The following ZNF407 variants were observed in gnomAD, a reference collection of about 807,000 sequenced individuals.
ZNF407 encodes zinc finger protein 407.
Under a neutral mutation model 131.2 loss-of-function variants are expected in ZNF407, and 17 were observed. That is an observed-to-expected ratio of 0.13 (90% CI 0.09 to 0.19). The LOEUF is 0.19. ZNF407 is among the 10% of genes least tolerant of loss of function. The pLI is 1.00. For synonymous variants in ZNF407, 1,156 were observed against 1,062.0 expected, an observed-to-expected ratio of 1.09 and a Z score of -1.72; for missense variants, 2,681 against 2,830.6, an observed-to-expected ratio of 0.95 and a Z score of 1.20.
chr18:74,768,678 C>T lies in ZNF407; in HGVS notation c.4803-12750C>T, dbSNP rs1405086364. Among the ~76,000 whole-genome samples, 11 of 152,000 alleles carry T rather than the reference C, an allele frequency of 7.2e-5. No individual in the cohort carries two copies. The South Asian group carries it at 1.0e-3, about 14-fold the overall frequency. ...ATAGATAGATAGATTTTTCTTACAC[C>T]GTTGTTATATTCCAGTAGGCCTCAA... On this transcript the variant is annotated intron_variant, in intron 3 of 8. Coordinates refer to ENST00000299687, the MANE Select transcript of ZNF407 (RefSeq NM_017757.3).
Position 75,063,983 on chromosome 18 carries a change from G to A in ZNF407, c.6262G>A (p.Val2088Met), listed in dbSNP as rs769887066. ...KMVQGVLQFA[V>M]CDTAAAGQLV... ...GGTCCAGGGCGTCCTCCAGTTTGCT[G>A]TGTGTGACACGGCCGCGGCCGGCCA... Residue 2088 changes from valine (V) to methionine (M), a missense_variant, in exon 9 of 9, where the codon GTG (valine) becomes ATG (methionine). Physicochemically the swap from Val to Met is conservative, Grantham distance 21. This residue lies in a region of ZNF407 where 620 missense variants were observed against 583.1 expected (regional missense o/e 1.06). Transcript: ENST00000299687. This position sits in a 1 kb window ranked among gnomAD's most constrained non-coding sequence, Gnocchi z 6.6. 2.8e-5 allele frequency: 45 copies of A among 1,613,306 alleles called. 2 individuals carry two copies. In the South Asian group the frequency reaches 3.1e-4, roughly 11 times the overall value.
At chr18:74,797,996 G>A (rs985754143) in intron 4 of ZNF407, among the ~76,000 whole-genome samples, 8 of 152,080 alleles carry the variant, frequency 5.3e-5, no homozygotes, top group Non-Finnish European at 8.8e-5. Context: ...GTGTACATGG[G>A]GAAGGGAAAG....
At chr18:74,965,396 A>G (rs1481588828) in intron 8 of ZNF407, among the ~76,000 whole-genome samples, 1 of 152,072 alleles carries the variant, frequency 6.6e-6, no homozygotes, top group Non-Finnish European at 1.5e-5. Context: ...AATAAATGAG[A>G]ACATGTGATG....
At chr18:74,978,778 A>C (rs1972555624) in intron 8 of ZNF407, among the ~76,000 whole-genome samples, 1 of 152,170 alleles carries the variant, frequency 6.6e-6, no homozygotes, top group Non-Finnish European at 1.5e-5. Context: ...GAATGGAGAC[A>C]CAAATTTAAG....
rs2122305323 is a variant in ZNF407 at position 75,065,482 on chromosome 18, C to T, written c.*1014C>T. The T allele has an allele frequency of 6.6e-6, 1 of 152,336 alleles. No individual in the cohort carries two copies. The highest frequency in any genetic ancestry group is 1.9e-4 in the East Asian group (1 of 5,190). 9.4% of individuals were successfully genotyped at this position (152,336 alleles called of 1,614,324 possible). ...TTCACCTGTGGCCCTGCTGTGGCCA[C>T]CAGCATGGTCTGTGTCCTCGTGGAT... is the stretch of plus-strand genomic sequence containing the variant. On this transcript the variant is annotated 3_prime_UTR_variant, in exon 9 of 9. Transcript: ENST00000299687.
At chr18:74,722,552 T>C (rs1424562589) in intron 3 of ZNF407, among the ~76,000 whole-genome samples, 1 of 152,078 alleles carries the variant, frequency 6.6e-6, no homozygotes, top group African/African-American at 2.4e-5. Context: ...GATTTCTTCC[T>C]CCCTTCCTCA....
intron 8 of ZNF407, among the ~76,000 whole-genome samples, chr18:74,985,510 A>G (rs1161403774): frequency 1.3e-5 from 2 of 152,236 alleles, no homozygotes; most frequent in Non-Finnish European, 2.9e-5. Flanking sequence ...CACCTAAATT[A>G]GTGTTATCCT....
intron 4 of ZNF407, among the ~76,000 whole-genome samples, chr18:74,833,393 T>G (rs186896363): frequency 1.3e-5 from 2 of 152,324 alleles, no homozygotes; most frequent in Admixed American, 1.3e-4. Context: ...CAAACTGTAA[T>G]AAATGACATG....
At chr18:74,677,577 A>G (rs754929334) in intron 3 of ZNF407, among the ~76,000 whole-genome samples, 4 of 152,098 alleles carry the variant, frequency 2.6e-5, no homozygotes, top group Non-Finnish European at 4.4e-5. Context: ...TTTGCTGGAT[A>G]CAGATCTCTG....
intron 8 of ZNF407, among the ~76,000 whole-genome samples, chr18:74,986,396 A>G (rs1174281654): frequency 1.3e-5 from 2 of 152,194 alleles, no homozygotes; most frequent in Admixed American, 1.3e-4. Context: ...TTAAATTAAG[A>G]ATTGTCACCA....
At chr18:74,709,976 A>G (rs992442194) in intron 3 of ZNF407, among the ~76,000 whole-genome samples, 1 of 152,176 alleles carries the variant, frequency 6.6e-6, no homozygotes, top group African/African-American at 2.4e-5. Flanking sequence ...AATAGTTTAA[A>G]CAGTATATTT....
intron 4 of ZNF407, among the ~76,000 whole-genome samples, chr18:74,833,170 C>T (rs941040077): frequency 6.6e-6 from 1 of 152,220 alleles, no homozygotes; most frequent in African/African-American, 2.4e-5. Context: ...AGGGACATGG[C>T]CCACATTCTA....
chr18:74,746,424 A>G lies in ZNF407; in HGVS notation c.4803-35004A>G, dbSNP rs535110636. Reference sequence around the variant, plus strand: ...CTGCAAGTTTTTCACTTTATGAACTATTTTTTAAAGTTTTTGACTCCTTTT... The same window carrying G: ...CTGCAAGTTTTTCACTTTATGAACTGTTTTTTAAAGTTTTTGACTCCTTTT... On this transcript the variant is annotated intron_variant, in intron 3 of 8. Coordinates refer to ENST00000299687, the MANE Select transcript of ZNF407 (RefSeq NM_017757.3). Among the ~76,000 whole-genome samples, 6 of 152,230 alleles carry G rather than the reference A, an allele frequency of 3.9e-5. No homozygotes were observed. In the East Asian group the frequency reaches 5.8e-4, roughly 15 times the overall value.
At chr18:74,727,094 A>C (rs183491515) in intron 3 of ZNF407, among the ~76,000 whole-genome samples, 2 of 152,210 alleles carry the variant, frequency 1.3e-5, no homozygotes, top group East Asian at 1.9e-4. Context: ...TGTGCCAAGC[A>C]CTTAGCTGGG....
chr18:74,962,579 G>T (rs139089997), intron 8 of ZNF407, among the ~76,000 whole-genome samples: 3 of 152,208 alleles, frequency 2.0e-5, no homozygotes, highest in African/African-American at 7.2e-5. Flanking sequence ...CACATCCTGC[G>T]CCTCAGCCCT....
intron 3 of ZNF407, among the ~76,000 whole-genome samples, chr18:74,692,851 G>T (rs1967260380): frequency 6.6e-6 from 1 of 152,238 alleles, no homozygotes; most frequent in East Asian, 1.9e-4. Flanking sequence ...TTTCCCTGGG[G>T]TTCGAGTGTG....
intron 3 of ZNF407, among the ~76,000 whole-genome samples, chr18:74,654,801 A>G (rs1985380241): frequency 6.6e-6 from 1 of 151,842 alleles, no homozygotes; most frequent in African/African-American, 2.4e-5. Flanking sequence ...AACATATTAA[A>G]CATTTGCTTT....
intron 1 of ZNF407, among the ~76,000 whole-genome samples, chr18:74,602,504 G>C (rs574957277): frequency 1.3e-3 from 195 of 152,302 alleles, no homozygotes; most frequent in African/African-American, 4.6e-3. Context: ...ATAGAATTCA[G>C]TGGTGGTAAC....
At chr18:74,620,009 T>C (rs949579214) in intron 1 of ZNF407, among the ~76,000 whole-genome samples, 35 of 129,248 alleles carry the variant, frequency 2.7e-4, no homozygotes, top group Admixed American at 8.1e-4. Flanking sequence ...TGTCCCCTTT[T>C]TTCTATCCCA....
Sources: gnomAD v4.1 joint callset for allele counts (sites outside exome capture counted in the v4.1 genomes callset) on GRCh38, gnomAD v4.1.1 for gene constraint, gnomAD v4.1.1 regional missense constraint, Gnocchi (gnomAD v3.1) non-coding constraint, MANE v1.5 for transcripts, NCBI Gene and HGNC (gene_info 2026-07-23, HGNC 2026-07-21) for gene names.